Variants in MAPKAP1 observed in about 807,000 individuals in gnomAD.
The protein encoded by MAPKAP1 is MAPK associated protein 1.
Under a neutral mutation model 65.7 loss-of-function variants are expected in MAPKAP1, and 20 were observed. The ratio of observed to expected loss-of-function variants is 0.30; its 90% CI spans 0.21 to 0.44. MAPKAP1 has a LOEUF of 0.44. Among genes scored for constraint, MAPKAP1 ranks in the 20% least tolerant of loss-of-function variants. The pLI is 1.00. For synonymous variants in MAPKAP1, 222 were observed against 244.3 expected (o/e 0.91, Z 0.85); for missense variants, 423 against 648.0 (o/e 0.65, Z 3.77).
At chr9:125,460,628 T>C (rs1647129924) in intron 10 of MAPKAP1, among the ~76,000 whole-genome samples, 1 of 152,184 alleles carries the variant, frequency 6.6e-6, no homozygotes, top group Admixed American at 6.5e-5. Flanking sequence ...AGAGTGTTGA[T>C]CCTTCTAGGG....
At chr9:125,516,996 C>T (rs756130527) in intron 7 of MAPKAP1, among the ~76,000 whole-genome samples, 3 of 152,142 alleles carry the variant, frequency 2.0e-5, no homozygotes, top group Non-Finnish European at 4.4e-5. Flanking sequence ...ATTTGCTTTC[C>T]GCATCTTCAT....
intron 4 of MAPKAP1, among the ~76,000 whole-genome samples, chr9:125,656,747 A>G (rs1176825377): frequency 6.6e-6 from 1 of 152,126 alleles, no homozygotes; most frequent in East Asian, 1.9e-4. Flanking sequence ...AGCACCCCAC[A>G]CCACTGCCAG....
At chr9:125,506,508 A>G in intron 7 of MAPKAP1, 91 bp from the exon 8 acceptor site, 2 of 1,065,026 alleles carry the variant, frequency 1.9e-6, no homozygotes, top group Non-Finnish European at 1.4e-6. Context: ...AAAAGCTGAT[A>G]AAGCCTTAGT....
At chr9:125,545,672 A>G (rs1830401704) in intron 6 of MAPKAP1, among the ~76,000 whole-genome samples, 1 of 152,234 alleles carries the variant, frequency 6.6e-6, no homozygotes, top group Non-Finnish European at 1.5e-5. Context: ...AAGGCAGACT[A>G]AAAGCTCAAA....
At chr9:125,455,300 C>A (rs960557052) in intron 10 of MAPKAP1, among the ~76,000 whole-genome samples, 5 of 152,148 alleles carry the variant, frequency 3.3e-5, no homozygotes, top group Non-Finnish European at 7.4e-5. Flanking sequence ...GTAGACACAA[C>A]CTCACAGAGT....
intron 1 of MAPKAP1, among the ~76,000 whole-genome samples, chr9:125,692,191 T>C (rs1564619209): frequency 6.6e-6 from 1 of 152,180 alleles, no homozygotes; most frequent in Non-Finnish European, 1.5e-5. Flanking sequence ...TAAAAACATA[T>C]GTTCACACGA....
chr9:125,689,436 G>GA (rs911746619), intron 1 of MAPKAP1, among the ~76,000 whole-genome samples: 488 of 15,254 alleles, frequency 0.032, 55 homozygotes, highest in African/African-American at 0.087. Context: ...CTCCATCTCG[G>GA]AAAAAAAAAA....
Position 125,459,543 on chromosome 9 carries a change from G to C in MAPKAP1, c.1345+8429C>G, listed in dbSNP as rs1329985224. ...GGGCACCATTGAGCACTGAGTGAAC[G>C]AGACTCCGTCTGCAATCCCGGCACC... is the stretch of plus-strand genomic sequence containing the variant. On this transcript the variant is annotated intron_variant, in intron 10 of 11. Transcript: ENST00000265960. Among the ~76,000 whole-genome samples, 41 of 148,382 alleles carry C rather than the reference G, an allele frequency of 2.8e-4. No individual in the cohort carries two copies. The East Asian group carries it at 4.0e-3, about 15-fold the overall frequency.
chr9:125,600,181 T>G (rs1713385182), intron 4 of MAPKAP1, among the ~76,000 whole-genome samples: 1 of 144,866 alleles, frequency 6.9e-6, no homozygotes, highest in African/African-American at 2.6e-5. Context: ...CAAATGTAGG[T>G]AAGACATTTC....
At chr9:125,605,610 C>T (rs755617529) in intron 4 of MAPKAP1, among the ~76,000 whole-genome samples, 2 of 152,226 alleles carry the variant, frequency 1.3e-5, no homozygotes, top group Non-Finnish European at 2.9e-5. Context: ...CTCTGCACTT[C>T]GGAACCCATT....
chr9:125,553,573 GGAAA>G (rs1240181282), intron 6 of MAPKAP1, among the ~76,000 whole-genome samples: 1 of 151,834 alleles, frequency 6.6e-6, no homozygotes, highest in Non-Finnish European at 1.5e-5. Flanking sequence ...AGGGCAAGAC[GGAAA>G]GAAAGAAAGA....
At chr9:125,603,078 CT>C (rs35247956) in intron 4 of MAPKAP1, among the ~76,000 whole-genome samples, 1 of 85,072 alleles carries the variant, frequency 1.2e-5, no homozygotes, top group African/African-American at 3.2e-5. Flanking sequence ...TTCTTTCTTT[CT>C]TTTTTTTTTA....
rs12344707 is a variant in MAPKAP1, at chr9:125,487,153, T to G, written c.1067-2570A>C. 3.4e-4 allele frequency among the ~76,000 whole-genome samples: 52 copies of G among 152,228 alleles called. No homozygotes were observed. In the South Asian group the frequency reaches 7.7e-3, roughly 22 times the overall value. On this transcript the variant is annotated intron_variant, in intron 8 of 11. Coordinates refer to ENST00000265960, the MANE Select transcript of MAPKAP1 (RefSeq NM_001006617.3). Reference sequence around the variant, plus strand: ...AAGAGACAGAGTGACTTAACCAACATTGCACCTCCAGGACACTGCAGAGCT... The same window carrying G: ...AAGAGACAGAGTGACTTAACCAACAGTGCACCTCCAGGACACTGCAGAGCT...
At chr9:125,461,781 C>T (rs946441970) in intron 10 of MAPKAP1, among the ~76,000 whole-genome samples, 4 of 152,140 alleles carry the variant, frequency 2.6e-5, no homozygotes, top group East Asian at 1.9e-4. Flanking sequence ...CACAACATAA[C>T]GTGTCCACCT....
chr9:125,518,393 T>C (rs1005178399), intron 7 of MAPKAP1, among the ~76,000 whole-genome samples: 9 of 152,092 alleles, frequency 5.9e-5, no homozygotes, highest in African/African-American at 2.2e-4. Context: ...AATCCCACAT[T>C]ACATCTGTAA....
intron 7 of MAPKAP1, among the ~76,000 whole-genome samples, chr9:125,540,909 C>G (rs1306279378): frequency 6.6e-6 from 1 of 152,184 alleles, no homozygotes; most frequent in Non-Finnish European, 1.5e-5. Flanking sequence ...TTCAAAAACA[C>G]AAGATGTACC....
intron 9 of MAPKAP1, among the ~76,000 whole-genome samples, chr9:125,479,946 C>T (rs776421114): frequency 2.6e-5 from 4 of 152,142 alleles, no homozygotes; most frequent in Non-Finnish European, 5.9e-5. Flanking sequence ...TCAGGAAGGA[C>T]CTGAAGCACC....
intron 5 of MAPKAP1, among the ~76,000 whole-genome samples, chr9:125,562,046 C>G (rs2131510542): frequency 6.6e-6 from 1 of 152,286 alleles, no homozygotes; most frequent in South Asian, 2.1e-4. Context: ...GAACAAGCAA[C>G]AGACAGCACA....
chr9:125,443,709 C>T (rs1162010357), intron 11 of MAPKAP1, among the ~76,000 whole-genome samples: 1 of 147,824 alleles, frequency 6.8e-6, no homozygotes, highest in Non-Finnish European at 1.5e-5. Context: ...CCCCCAGCCC[C>T]CCCAGCCCCC....
Sources: allele counts gnomAD v4.1 joint callset (sites outside exome capture counted in the v4.1 genomes callset), GRCh38; gene constraint gnomAD v4.1.1; transcripts MANE v1.5; gene names NCBI Gene and HGNC (gene_info 2026-07-23, HGNC 2026-07-21).